The following CEP131 variants were observed in gnomAD, a reference collection of about 807,000 sequenced individuals.
CEP131 encodes the protein centrosomal protein 131.
Under a neutral mutation model 136.8 loss-of-function variants are expected in CEP131, and 99 were observed. The observed-to-expected ratio is 0.72, with a 90% CI of 0.62 to 0.86. CEP131 has a LOEUF of 0.86. Ranked by LOEUF, CEP131 falls within the 40% of genes least tolerant of loss-of-function variation. The probability of loss-of-function intolerance (pLI) is 0.00; values close to 1 mark genes in which losing one functional copy is unlikely to be tolerated. For synonymous variants in CEP131, 646 were observed against 612.7 expected (o/e 1.05, Z -0.80); for missense variants, 1,459 against 1,463.0 (o/e 1.00, Z 0.04).
rs1223427136 is a variant in CEP131, at chr17:81,207,358, T to TG, written c.273-120dup. 18 of 841,598 alleles carry TG rather than the reference T, an allele frequency of 2.1e-5. No homozygotes were observed. The African/African-American group carries it at 2.6e-4, about 12-fold the overall frequency. The allele number at this position is 841,598 out of a possible 1,614,324, so 52.1% of individuals were successfully genotyped here. On this transcript the variant is annotated intron_variant, in intron 3 of 25. Coordinates refer to ENST00000450824, the MANE Select transcript of CEP131 (RefSeq NM_014984.4). ...GGGGCTGAGGCACTAGCAGCAACTC[T>TG]GTTTCTAGGCCCAAAGCCCCCATCT...
At chr17:81,200,493 G>A in intron 7 of CEP131, 47 bp from the exon 8 acceptor site, 1 of 1,389,198 alleles carries the variant, frequency 7.2e-7, no homozygotes, top group Non-Finnish European at 9.9e-7. Flanking sequence ...CAGCGCCCCG[G>A]CAGGACCCAG....
At chr17:81,201,419 C>T (rs1363854568) in intron 7 of CEP131, among the ~76,000 whole-genome samples, 1 of 151,432 alleles carries the variant, frequency 6.6e-6, no homozygotes, top group African/African-American at 2.4e-5. Flanking sequence ...ACAGCCCCTC[C>T]AGCTCCCCAG....
intron 19 of CEP131, 51 bp downstream of exon 19, chr17:81,192,685 G>GGGGGGGGGGGGGCGCC: frequency 2.1e-6 from 1 of 478,436 alleles, no homozygotes; most frequent in Non-Finnish European, 4.1e-6. Context: ...GGGGGGAGGG[G>GGGGGGGGGGGGGCGCC]TCAGCCAGCG....
In CEP131 at chr17:81,198,125, C is replaced by A; in HGVS notation, c.1460G>T (p.Trp487Leu). The A allele has an allele frequency of 6.4e-7, 1 of 1,565,456 alleles. No individual in the cohort carries two copies. Among genetic ancestry groups the A allele is most frequent in the Non-Finnish European group, 8.7e-7 (1 of 1,155,760 alleles). ...PRTHHRGRYA[W>L]ASEEDDASSL... Reference sequence around the variant, plus strand: ...GCACACCGTGGTCACCTCGCTGGCCCAGGCGTATCTGCCCCTGTGATGGGT... The same window carrying A: ...GCACACCGTGGTCACCTCGCTGGCCAAGGCGTATCTGCCCCTGTGATGGGT... The change falls in exon 12 of 26, where the codon TGG becomes TTG. Residue 487 changes from tryptophan to leucine, a missense_variant. Trp to Leu is a moderately conservative substitution (Grantham distance 61, BLOSUM62 -2). This residue lies in a region of CEP131 where 1,026 missense variants were observed against 964.2 expected (regional missense o/e 1.06). Coordinates refer to ENST00000450824, the MANE Select transcript of CEP131 (RefSeq NM_014984.4).
intron 2 of CEP131, among the ~76,000 whole-genome samples, chr17:81,212,343 A>G (rs2062151999): frequency 6.6e-6 from 1 of 150,728 alleles, no homozygotes; most frequent in Non-Finnish European, 1.5e-5. Flanking sequence ...AAAAGAAAAG[A>G]AAAGAAAAGA....
chr17:81,201,437 C>T (rs1435807349), intron 7 of CEP131, among the ~76,000 whole-genome samples: 3 of 151,414 alleles, frequency 2.0e-5, no homozygotes, highest in Admixed American at 1.3e-4. Context: ...CAGGGGCAAG[C>T]GGCAGGGGCA....
At chr17:81,192,685 G>GGGGGGGGGCCGCCC in intron 19 of CEP131, 51 bp downstream of exon 19, 2 of 478,436 alleles carry the variant, frequency 4.2e-6, no homozygotes, top group African/African-American at 2.0e-5. Context: ...GGGGGGAGGG[G>GGGGGGGGGCCGCCC]TCAGCCAGCG....
In CEP131 at chr17:81,192,752, CCAGCCGCTCCCTCTCCT is replaced by C. The variant is rs1179677880; in HGVS notation, c.2396_2412del (p.Glu799GlyfsTer32). The C allele has an allele frequency of 6.3e-7, 1 of 1,586,450 alleles. No homozygotes were observed. Among genetic ancestry groups the C allele is most frequent in the Non-Finnish European group, 8.6e-7 (1 of 1,169,472 alleles). ...GGGCGGCACCTGGCTGCCTGCTGGC[CCAGCCGCTCCCTCTCCT>C]CAGCCACCTCACTGTACAGCCGCTG... On this transcript the variant is annotated frameshift_variant, in exon 19 of 26. Coordinates refer to ENST00000450824, the MANE Select transcript of CEP131 (RefSeq NM_014984.4). LOFTEE classifies it high-confidence loss of function.
At chr17:81,189,868 C>G in intron 25 of CEP131, 25 bp from the exon 26 acceptor site, 1 of 1,612,462 alleles carries the variant, frequency 6.2e-7, no homozygotes, top group South Asian at 1.1e-5. Context: ...CAGGGTCAGG[C>G]CTGCTCCCAG....
Position 81,194,018 on chromosome 17 carries a change from C to A in CEP131, c.2229G>T (p.Gln743His), listed in dbSNP as rs915104116. Residue 743 changes from glutamine (Q) to histidine (H), a missense_variant, in exon 18 of 26, where the codon CAG becomes CAT. Coordinates refer to ENST00000450824, the MANE Select transcript of CEP131 (RefSeq NM_014984.4). ...ELLQSDERAS[Q>H]RCLRQAEELR... Reference sequence around the variant, plus strand: ...GCTCCTCGGCCTGGCGCAGGCAGCGCTGCGAGGCCCGCTCATCCGACTGCA... The same window carrying A: ...GCTCCTCGGCCTGGCGCAGGCAGCGATGCGAGGCCCGCTCATCCGACTGCA... 6.4e-7 allele frequency: 1 copy of A among 1,569,598 alleles called. No individual in the cohort carries two copies. Among genetic ancestry groups the A allele is most frequent in the Non-Finnish European group, 8.6e-7 (1 of 1,158,056 alleles).
intron 3 of CEP131, among the ~76,000 whole-genome samples, chr17:81,207,509 CTT>C (rs377182496): frequency 1.6e-4 from 23 of 140,992 alleles, no homozygotes; most frequent in Admixed American, 4.2e-4. Flanking sequence ...TTTTTCTTTT[CTT>C]TTTTTTTTTT....
At position 81,203,260 on chromosome 17, in the gene CEP131, G is replaced by C. The variant is rs186141165; in HGVS notation, c.629+234C>G. On this transcript the variant is annotated intron_variant, in intron 6 of 25. Transcript: ENST00000450824. The surrounding 1 kb of genome is among the most constrained non-coding windows in gnomAD (Gnocchi z 4.6). ...GCCGACCCAAGAACAGAAGAGGGCGGCGGACGTGGATGGGGAGCCCGGTTC... is the reference window on the plus strand; with the variant it reads ...GCCGACCCAAGAACAGAAGAGGGCGCCGGACGTGGATGGGGAGCCCGGTTC... Among the ~76,000 whole-genome samples, 272 of 152,356 alleles carry C rather than the reference G, an allele frequency of 1.8e-3. No individual in the cohort carries two copies. The highest frequency in any genetic ancestry group is 6.1e-3 in the African/African-American group (254 of 41,582).
chr17:81,200,156 G>C (rs145060705), intron 8 of CEP131, 173 bp downstream of exon 8: 6 of 633,496 alleles, frequency 9.5e-6, no homozygotes, highest in South Asian at 5.9e-5. Context: ...CCGCCAGTGA[G>C]GACCACCCTG....
At chr17:81,220,557 C>T (rs748857681) in intron 1 of CEP131, among the ~76,000 whole-genome samples, 57 of 152,138 alleles carry the variant, frequency 3.7e-4, no homozygotes, top group Non-Finnish European at 1.5e-4. Context: ...TGCAGTGGCG[C>T]GATCTCGGCT....
At chr17:81,210,571 A>T (rs2062110605) in intron 2 of CEP131, among the ~76,000 whole-genome samples, 1 of 151,902 alleles carries the variant, frequency 6.6e-6, no homozygotes, top group Admixed American at 6.6e-5. Context: ...TCCGTCAAAA[A>T]ACAAAAACAA....
chr17:81,205,738 C>A (rs990474339), intron 5 of CEP131, among the ~76,000 whole-genome samples: 7 of 151,854 alleles, frequency 4.6e-5, no homozygotes, highest in African/African-American at 1.7e-4. Flanking sequence ...ATCTCTACAA[C>A]AAATTTAAAA....
chr17:81,192,105 C>T (rs963637936), intron 21 of CEP131, among the ~76,000 whole-genome samples: 1 of 152,104 alleles, frequency 6.6e-6, no homozygotes, highest in Non-Finnish European at 1.5e-5. Flanking sequence ...GCTCCAGGCA[C>T]CCTTGATCCT....
chr17:81,211,816 C>G (rs2062136696), intron 2 of CEP131, among the ~76,000 whole-genome samples: 1 of 151,680 alleles, frequency 6.6e-6, no homozygotes. Context: ...ACCTACAGTC[C>G]CAGCTACTCA....
At chr17:81,211,704 G>A (rs1204662211) in intron 2 of CEP131, among the ~76,000 whole-genome samples, 3 of 152,128 alleles carry the variant, frequency 2.0e-5, no homozygotes, top group South Asian at 2.1e-4. Flanking sequence ...AGGCCAAGGC[G>A]GGTGGATCAC....
Sources: gnomAD v4.1 joint callset for allele counts (sites outside exome capture counted in the v4.1 genomes callset) on GRCh38, gnomAD v4.1.1 for gene constraint, gnomAD v4.1.1 regional missense constraint, Gnocchi (gnomAD v3.1) non-coding constraint, MANE v1.5 for transcripts, NCBI Gene and HGNC (gene_info 2026-07-23, HGNC 2026-07-21) for gene names.